Variants in SUGP1 observed in about 807,000 individuals in gnomAD.
SUGP1 encodes SURP and G-patch domain-containing protein 1.
SUGP1 carries 34 observed loss-of-function variants against 76.5 expected under a neutral mutation model. That is an observed-to-expected ratio of 0.44 (90% CI 0.34 to 0.59). The LOEUF is 0.59. SUGP1 is among the 20% of genes least tolerant of loss of function. SUGP1 has a pLI of 0.01. For synonymous variants in SUGP1, 326 were observed against 326.2 expected, an observed-to-expected ratio of 1.00 and a Z score of 0.01; for missense variants, 752 against 851.7, an observed-to-expected ratio of 0.88 and a Z score of 1.46.
chr19:19,300,232 T>C (rs2061260621), intron 7 of SUGP1, among the ~76,000 whole-genome samples: 1 of 151,850 alleles, frequency 6.6e-6, no homozygotes, highest in African/African-American at 2.4e-5. Context: ...CATGACACCA[T>C]GCCCAGTTAA....
rs2061050066 is a variant in SUGP1 at position 19,276,492 on chromosome 19, T to C, written c.*156A>G. The C allele has an allele frequency of 3.5e-6, 3 of 859,984 alleles. No homozygotes were observed. The highest frequency in any genetic ancestry group is 1.6e-5 in the South Asian group (1 of 60,662). The allele number at this position is 859,984 out of a possible 1,614,324, so 53.3% of individuals were successfully genotyped here. ...CCCGCTGCTAACAGGAGGGGCTTCC[T>C]GCAACAGGACCAGGCATCTGTGGTG... is the stretch of plus-strand genomic sequence containing the variant. On this transcript the variant is annotated 3_prime_UTR_variant, in exon 14 of 14. Transcript: ENST00000247001.
chr19:19,316,389 C>T (rs778187861), intron 2 of SUGP1, 33 bp downstream of exon 2: 4 of 1,612,358 alleles, frequency 2.5e-6, no homozygotes, highest in African/African-American at 1.3e-5. Context: ...AGACTCACAT[C>T]CAGGCCCCAT....
intron 8 of SUGP1, among the ~76,000 whole-genome samples, chr19:19,294,510 C>CAAAAA (rs58011841): frequency 5.5e-5 from 5 of 90,424 alleles, no homozygotes; most frequent in Non-Finnish European, 6.7e-5. Context: ...GAGTGAGACT[C>CAAAAA]AAAAAAAAAA....
At chr19:19,282,873 C>T (rs553768297) in intron 8 of SUGP1, among the ~76,000 whole-genome samples, 13 of 151,968 alleles carry the variant, frequency 8.6e-5, no homozygotes, top group African/African-American at 1.2e-4. Context: ...GTCAGAAGAT[C>T]GAGACCATCC....
intron 8 of SUGP1, among the ~76,000 whole-genome samples, chr19:19,291,694 C>G (rs953087249): frequency 6.6e-6 from 1 of 151,922 alleles, no homozygotes; most frequent in Non-Finnish European, 1.5e-5. Context: ...TCAAGACCAT[C>G]CTGGCTAACA....
chr19:19,289,842 G>A (rs1262032367), intron 8 of SUGP1, among the ~76,000 whole-genome samples: 1 of 152,186 alleles, frequency 6.6e-6, no homozygotes, highest in Non-Finnish European at 1.5e-5. Flanking sequence ...GTTCCTGGAG[G>A]GTGGCGTGCC....
In SUGP1 at chr19:19,277,976, C is replaced by T; in HGVS notation, c.1636-97G>A. 7 of 1,459,772 alleles carry T rather than the reference C, an allele frequency of 4.8e-6. No individual in the cohort carries two copies. In the South Asian group the frequency reaches 6.2e-5, roughly 13 times the overall value. 90.4% of individuals were successfully genotyped at this position (1,459,772 alleles called of 1,614,324 possible). ...CTTTGGTTTCAATCAGTGCTGGGAC[C>T]AGTGGCCCATCTGCCTCCCTCTCAC... On this transcript the variant is annotated intron_variant, in intron 11 of 13. Transcript: ENST00000247001.
At position 19,280,698 on chromosome 19, in the gene SUGP1, C is replaced by A. The variant is rs142162930; in HGVS notation, c.1244-407G>T. 5.0e-3 allele frequency: 948 copies of A among 190,692 alleles called. 10 individuals are homozygous for A. The highest frequency in any genetic ancestry group is 0.02 in the African/African-American group (858 of 43,610). 11.8% of individuals were successfully genotyped at this position (190,692 alleles called of 1,614,324 possible). ...CAAACGGGCTCTCAGAAGGCAGCTC[C>A]GTTGCTAACAGACACCAGGTGTAAG... On this transcript the variant is annotated intron_variant, in intron 8 of 13. Transcript: ENST00000247001.
chr19:19,307,368 G>A (rs1249632540), intron 3 of SUGP1, among the ~76,000 whole-genome samples: 1 of 151,994 alleles, frequency 6.6e-6, no homozygotes, highest in Non-Finnish European at 1.5e-5. Flanking sequence ...ATCTTTTTAA[G>A]CCTTAGCTTC....
chr19:19,280,149 G>A (rs997579907), intron 9 of SUGP1, 36 bp downstream of exon 9: 5 of 1,597,612 alleles, frequency 3.1e-6, no homozygotes, highest in South Asian at 1.1e-5. Flanking sequence ...TATGGGCGCC[G>A]ACCATGTCCC....
intron 1 of SUGP1, among the ~76,000 whole-genome samples, chr19:19,317,696 T>G (rs990138968): frequency 1.3e-5 from 2 of 152,090 alleles, no homozygotes; most frequent in African/African-American, 4.8e-5. Flanking sequence ...TTTTAAATTT[T>G]TTCATAGAGA....
At position 19,320,465 on chromosome 19, in the gene SUGP1, G is replaced by A. The variant is rs199639572; in HGVS notation, c.32C>T (p.Ala11Val). 5.6e-6 allele frequency: 9 copies of A among 1,610,082 alleles called. No individual in the cohort carries two copies. In the Admixed American group the frequency reaches 8.4e-5, roughly 15 times the overall value. Residue 11 changes from alanine (A) to valine (V), a missense_variant and splice_region_variant, in exon 1 of 14, where the codon GCA becomes GTA. Around this residue, in one of 2 missense-constraint regions of SUGP1, gnomAD observed 620 missense variants for 617.3 expected, o/e 1.00. Transcript: ENST00000247001. ...TGAGAGGAGGCGGGGGCTGTTACCT[G>A]CAACATCCCGGTTGTCCATCTTGAG... Reference protein sequence around the residue: MSLKMDNRDVAGKANRWFGVA... With the variant: MSLKMDNRDVVGKANRWFGVA...
chr19:19,308,898 C>T (rs2061335126), intron 3 of SUGP1, among the ~76,000 whole-genome samples: 1 of 151,566 alleles, frequency 6.6e-6, no homozygotes, highest in Non-Finnish European at 1.5e-5. Flanking sequence ...CGAAGTCTCG[C>T]TCTTGTCCCC....
At chr19:19,279,733 G>T (rs1356920306) in intron 9 of SUGP1, among the ~76,000 whole-genome samples, 1 of 152,196 alleles carries the variant, frequency 6.6e-6, no homozygotes, top group Non-Finnish European at 1.5e-5. Flanking sequence ...AGCTCCTCAG[G>T]GGAGCCAACA....
chr19:19,276,593 C>T lies in SUGP1; in HGVS notation c.*55G>A. 4.3e-6 allele frequency: 7 copies of T among 1,610,318 alleles called. No homozygotes were observed. The highest frequency in any genetic ancestry group is 4.5e-5 in the East Asian group (2 of 44,868). On this transcript the variant is annotated 3_prime_UTR_variant, in exon 14 of 14. Transcript: ENST00000247001. The stretch of plus-strand genomic sequence containing the variant: ...GGGTGGGCAGAAATGCAGGCCGGAA[C>T]ATTCCACAGTCCAGGGACGGTTGGT...
intron 2 of SUGP1, among the ~76,000 whole-genome samples, chr19:19,312,251 CAGAA>C (rs932202438): frequency 1.0e-4 from 15 of 149,048 alleles, no homozygotes; most frequent in Admixed American, 7.5e-4. Context: ...AAAACTGAAA[CAGAA>C]AGGAATGGAA....
intron 8 of SUGP1, among the ~76,000 whole-genome samples, chr19:19,285,089 G>A (rs907346893): frequency 4.6e-5 from 7 of 151,704 alleles, no homozygotes; most frequent in African/African-American, 1.7e-4. Context: ...GGATGGTCTC[G>A]ATCTCCTGAC....
intron 8 of SUGP1, among the ~76,000 whole-genome samples, chr19:19,283,415 AG>A (rs1206060170): frequency 1.3e-5 from 2 of 151,030 alleles, no homozygotes; most frequent in African/African-American, 4.9e-5. Context: ...TTGGGACTAC[AG>A]GCACCTGCCA....
intron 2 of SUGP1, among the ~76,000 whole-genome samples, chr19:19,313,136 G>A (rs1022544160): frequency 2.6e-5 from 4 of 152,176 alleles, no homozygotes; most frequent in African/African-American, 9.7e-5. Flanking sequence ...CCTCACACCT[G>A]TAATCCCAGC....
Sources: allele counts gnomAD v4.1 joint callset (sites outside exome capture counted in the v4.1 genomes callset), GRCh38; gene constraint gnomAD v4.1.1; regional missense constraint gnomAD v4.1.1; transcripts MANE v1.5; gene names NCBI Gene and HGNC (gene_info 2026-07-23, HGNC 2026-07-21).